The following DYRK1A variants were observed in gnomAD, a reference collection of about 807,000 sequenced individuals.
The protein encoded by DYRK1A is dual specificity tyrosine-phosphorylation-regulated kinase 1A.
A neutral mutation model predicts 79.7 loss-of-function variants in DYRK1A; 9 were observed. The ratio of observed to expected loss-of-function variants is 0.11; its 90% CI spans 0.07 to 0.20. The LOEUF (loss-of-function observed/expected upper bound fraction) is 0.20. Among genes scored for constraint, DYRK1A ranks in the 10% least tolerant of loss-of-function variants. DYRK1A has a pLI of 1.00. For synonymous variants in DYRK1A, 349 were observed against 329.7 expected, an observed-to-expected ratio of 1.06 and a Z score of -0.63; for missense variants, 622 against 956.0, an observed-to-expected ratio of 0.65 and a Z score of 4.61.
intron 2 of DYRK1A, among the ~76,000 whole-genome samples, chr21:37,425,219 G>A (rs1413215294): frequency 2.6e-5 from 4 of 152,158 alleles, no homozygotes; most frequent in Non-Finnish European, 5.9e-5. Context: ...CCCTGTGACT[G>A]TCTGGCAGGA....
At chr21:37,372,859 T>TC (rs1268707819) in intron 1 of DYRK1A, among the ~76,000 whole-genome samples, 1 of 151,936 alleles carries the variant, frequency 6.6e-6, no homozygotes, top group Non-Finnish European at 1.5e-5. Context: ...GGCCATGCAT[T>TC]CTTTTTTTTG....
At chr21:37,421,935 G>A (rs1467335771) in intron 2 of DYRK1A, 1 of 152,102 alleles carries the variant, frequency 6.6e-6, no homozygotes, top group Non-Finnish European at 1.5e-5. Context: ...TGATTTTGGA[G>A]ATTTTCTCTC....
intron 7 of DYRK1A, among the ~76,000 whole-genome samples, chr21:37,492,352 C>G (rs1488790300): frequency 6.6e-6 from 1 of 152,134 alleles, no homozygotes. Context: ...ATAAGTGAAA[C>G]AAATTGGTCT....
In DYRK1A at chr21:37,521,104, G is replaced by C. The variant is rs1244993021; in HGVS notation, c.*8573G>C. 1.3e-5 allele frequency: 2 copies of C among 152,238 alleles called. No individual in the cohort carries two copies. Among genetic ancestry groups the C allele is most frequent in the Admixed American group, 1.3e-4 (2 of 15,282 alleles). The allele number at this position is 152,238 out of a possible 1,614,324, so 9.4% of individuals were successfully genotyped here. A position where few individuals can be genotyped will look rare whatever the true frequency, so the allele number is the denominator to read the frequency against. On this transcript the variant is annotated 3_prime_UTR_variant, in exon 12 of 12. Coordinates refer to ENST00000647188, the MANE Select transcript of DYRK1A (RefSeq NM_001347721.2). ...CTTGAAGAATTCAGATGAGGAGCTTGTCCAGGGAGGGCTCCCACGTGCGTA... is the reference window on the plus strand; with the variant it reads ...CTTGAAGAATTCAGATGAGGAGCTTCTCCAGGGAGGGCTCCCACGTGCGTA...
chr21:37,486,844 A>AGT (rs1318225480), intron 6 of DYRK1A: 9 of 348,882 alleles, frequency 2.6e-5, no homozygotes, highest in Non-Finnish European at 4.6e-5. Context: ...AAATGAGAAT[A>AGT]GTGTGTGTGT....
intron 2 of DYRK1A, among the ~76,000 whole-genome samples, chr21:37,468,871 A>G (rs2052124223): frequency 6.6e-6 from 1 of 152,238 alleles, no homozygotes; most frequent in East Asian, 1.9e-4. Flanking sequence ...TTATTCATCA[A>G]AGTATACCAT....
intron 2 of DYRK1A, among the ~76,000 whole-genome samples, chr21:37,451,609 G>T (rs533717692): frequency 1.3e-5 from 2 of 151,382 alleles, no homozygotes; most frequent in Non-Finnish European, 3.0e-5. Flanking sequence ...TAGCGTGGGC[G>T]TGCAGTAGGC....
At chr21:37,475,114 T>A (rs537141819) in intron 3 of DYRK1A, among the ~76,000 whole-genome samples, 107 of 152,282 alleles carry the variant, frequency 7.0e-4, no homozygotes, top group African/African-American at 2.5e-3. Context: ...AGCAGGAGGT[T>A]TGTAATCTGG....
At chr21:37,481,644 C>T (rs1012014745) in intron 5 of DYRK1A, 1 of 152,220 alleles carries the variant, frequency 6.6e-6, no homozygotes, top group Admixed American at 6.5e-5. Context: ...AATCCGCTCA[C>T]CTTGGCCTCC....
chr21:37,411,009 AC>A (rs2050231740), intron 1 of DYRK1A, among the ~76,000 whole-genome samples: 1 of 137,660 alleles, frequency 7.3e-6, no homozygotes, highest in African/African-American at 2.7e-5. Context: ...AGATTGTGCC[AC>A]TGCACTCCAG....
At chr21:37,380,103 T>C (rs1816374195) in intron 1 of DYRK1A, among the ~76,000 whole-genome samples, 1 of 152,250 alleles carries the variant, frequency 6.6e-6, no homozygotes, top group Admixed American at 6.5e-5. Context: ...AAAAAATTTT[T>C]GTTTCATTTT....
intron 2 of DYRK1A, among the ~76,000 whole-genome samples, chr21:37,470,364 T>C (rs1343599321): frequency 6.6e-6 from 1 of 152,208 alleles, no homozygotes; most frequent in East Asian, 1.9e-4. Context: ...AATATTGCAT[T>C]GAATAAGTTT....
chr21:37,460,178 A>G lies in DYRK1A; in HGVS notation c.11-12506A>G, dbSNP rs191178547. The stretch of plus-strand genomic sequence containing the variant: ...TTTTTTTTGCAGTCATTTAAAATCA[A>G]TTGTCAGTTAATACCTAAAATTCGG... On this transcript the variant is annotated intron_variant, in intron 2 of 11. Coordinates refer to ENST00000647188, the MANE Select transcript of DYRK1A (RefSeq NM_001347721.2). Among the ~76,000 whole-genome samples, 22 of 152,192 alleles carry G rather than the reference A, an allele frequency of 1.4e-4. No individual in the cohort carries two copies. The East Asian group carries it at 2.1e-3, about 15-fold the overall frequency.
intron 1 of DYRK1A, among the ~76,000 whole-genome samples, chr21:37,381,034 G>A (rs930241596): frequency 2.6e-5 from 4 of 152,088 alleles, no homozygotes; most frequent in Non-Finnish European, 5.9e-5. Context: ...TAATTTTTTA[G>A]TGCTTATTTG....
chr21:37,481,621 C>T (rs2052643990), intron 5 of DYRK1A: 1 of 152,248 alleles, frequency 6.6e-6, no homozygotes, highest in Admixed American at 6.5e-5. Context: ...GTCTCAAACT[C>T]CTGACCTCAG....
Position 37,438,128 on chromosome 21 carries a change from C to T in DYRK1A, c.10+17744C>T, listed in dbSNP as rs769400566. Among the ~76,000 whole-genome samples, 9 of 151,976 alleles carry T rather than the reference C, an allele frequency of 5.9e-5. No individual in the cohort carries two copies. The South Asian group carries it at 6.2e-4, about 11-fold the overall frequency. ...ATGTACTTTTTTGCCCCCTGTATGT[C>T]GTGTTTGGTGAAGTGTTTGTTCAAA... On this transcript the variant is annotated intron_variant, in intron 2 of 11. Coordinates refer to ENST00000647188, the MANE Select transcript of DYRK1A (RefSeq NM_001347721.2).
intron 2 of DYRK1A, among the ~76,000 whole-genome samples, chr21:37,429,294 C>T (rs925664500): frequency 1.3e-5 from 2 of 152,284 alleles, no homozygotes; most frequent in Admixed American, 1.3e-4. Context: ...CTTTCCTCTC[C>T]TACTGGTGGT....
chr21:37,443,492 AT>A (rs1199882149), intron 2 of DYRK1A, among the ~76,000 whole-genome samples: 3 of 151,942 alleles, frequency 2.0e-5, no homozygotes, highest in Non-Finnish European at 2.9e-5. Flanking sequence ...GTATTTTTGT[AT>A]TTCTTCTGTA....
intron 2 of DYRK1A, among the ~76,000 whole-genome samples, chr21:37,439,894 C>T (rs2051040913): frequency 6.6e-6 from 1 of 151,902 alleles, no homozygotes; most frequent in Non-Finnish European, 1.5e-5. Flanking sequence ...ATGAATTGTA[C>T]TGATTGATTT....
Sources: allele counts gnomAD v4.1 joint callset (sites outside exome capture counted in the v4.1 genomes callset), GRCh38; gene constraint gnomAD v4.1.1; transcripts MANE v1.5; gene names NCBI Gene and HGNC (gene_info 2026-07-23, HGNC 2026-07-21).